The following LRRC37A2 variants were observed in gnomAD, a reference collection of about 807,000 sequenced individuals.
LRRC37A2 encodes leucine rich repeat containing 37 member A2.
In LRRC37A2, 9 loss-of-function variants were observed where a neutral mutation model predicts 68.8. The ratio of observed to expected loss-of-function variants is 0.13; its 90% CI spans 0.08 to 0.23. The LOEUF (loss-of-function observed/expected upper bound fraction) is 0.23. Among genes scored for constraint, LRRC37A2 ranks in the 10% least tolerant of loss-of-function variants. The probability of loss-of-function intolerance (pLI) is 1.00; values close to 1 mark genes in which losing one functional copy is unlikely to be tolerated. For missense variants in LRRC37A2, 168 were observed against 950.4 expected, an observed-to-expected ratio of 0.18 and a Z score of 10.82; for synonymous variants, 63 against 367.6, an observed-to-expected ratio of 0.17 and a Z score of 9.48.
At chr17:46,818,441 AC>A in the LRRC37A2 span, 1 of 1,453,652 alleles carries the variant, frequency 6.9e-7, no homozygotes, top group Non-Finnish European at 9.4e-7. Context: ...GCAGCGGCCC[AC>A]CCCCAGCCGG....
the LRRC37A2 span, among the ~76,000 whole-genome samples, chr17:46,913,065 C>G: frequency 2.0e-5 from 3 of 152,194 alleles, no homozygotes; most frequent in African/African-American, 7.2e-5. Context: ...CACGGCTGTC[C>G]CAGTGCCTAA....
the LRRC37A2 span, among the ~76,000 whole-genome samples, chr17:46,575,372 G>C: frequency 6.6e-6 from 1 of 151,882 alleles, no homozygotes; most frequent in Non-Finnish European, 1.5e-5. Context: ...CAGTTGGTTT[G>C]AGCCAGAGTG....
chr17:46,777,554 C>A, the LRRC37A2 span, among the ~76,000 whole-genome samples: 18 of 152,392 alleles, frequency 1.2e-4, no homozygotes, highest in Non-Finnish European at 2.1e-4. Flanking sequence ...GCTGTGCAGA[C>A]GCAGTCTCTC....
chr17:46,777,065 C>T, the LRRC37A2 span, among the ~76,000 whole-genome samples: 5 of 152,308 alleles, frequency 3.3e-5, no homozygotes, highest in East Asian at 9.7e-4. Context: ...CAGAGGCCGA[C>T]CATGCCAGGT....
chr17:46,938,828 A>G, the LRRC37A2 span: 4 of 1,609,364 alleles, frequency 2.5e-6, no homozygotes, highest in Non-Finnish European at 3.4e-6. Context: ...TGAAAGAGAG[A>G]GGGGGGCCCA....
the LRRC37A2 span, among the ~76,000 whole-genome samples, chr17:46,840,749 C>G: frequency 1.3e-5 from 2 of 152,196 alleles, no homozygotes; most frequent in Admixed American, 6.5e-5. Flanking sequence ...TCTCTGATGA[C>G]CAGTGATGAT....
chr17:46,917,540 A>C, the LRRC37A2 span, among the ~76,000 whole-genome samples: 1 of 152,252 alleles, frequency 6.6e-6, no homozygotes, highest in African/African-American at 2.4e-5. Context: ...GGCTCGGTCC[A>C]TGCAGCAGCT....
chr17:46,676,279 C>G, the LRRC37A2 span, among the ~76,000 whole-genome samples: 88,886 of 136,752 alleles, frequency 0.65, 30,456 homozygotes, highest in South Asian at 0.81. Flanking sequence ...GTTGCCCAGG[C>G]TGGAGTGCAA....
At chr17:46,850,506 G>A in the LRRC37A2 span, among the ~76,000 whole-genome samples, 5 of 152,252 alleles carry the variant, frequency 3.3e-5, no homozygotes, top group Admixed American at 6.5e-5. Context: ...AGCCAAGGTC[G>A]CAGTCACTTG....
chr17:47,018,726 T>C, the LRRC37A2 span: 1 of 1,520,750 alleles, frequency 6.6e-7, no homozygotes. Context: ...GGGTGAATCT[T>C]CCCTAACCCA....
chr17:46,745,532 A>G, the LRRC37A2 span, among the ~76,000 whole-genome samples: 1 of 152,194 alleles, frequency 6.6e-6, no homozygotes, highest in Non-Finnish European at 1.5e-5. Flanking sequence ...AGAACATCTC[A>G]TGAGGAAACT....
At chr17:46,835,775 G>A in the LRRC37A2 span, among the ~76,000 whole-genome samples, 1 of 152,242 alleles carries the variant, frequency 6.6e-6, no homozygotes, top group Non-Finnish European at 1.5e-5. Flanking sequence ...AGATCCAGCT[G>A]GGTTGGAGGG....
the LRRC37A2 span, chr17:46,764,295 G>A: frequency 6.6e-6 from 1 of 152,588 alleles, no homozygotes. Flanking sequence ...CTGTTCTGTT[G>A]GAGTCAAATT....
the LRRC37A2 span, chr17:46,872,807 G>T: frequency 6.8e-7 from 1 of 1,479,390 alleles, no homozygotes; most frequent in South Asian, 1.2e-5. Flanking sequence ...GGGAGGGCTG[G>T]GGGAAGAAGC....
At chr17:46,929,583 C>A in the LRRC37A2 span, 2 of 1,469,534 alleles carry the variant, frequency 1.4e-6, no homozygotes, top group Non-Finnish European at 1.9e-6. Flanking sequence ...AGTCTGTGCA[C>A]AGTGAGTAAT....
At chr17:46,874,934 GAGACCCACCCGGAGCTGTGTCCT>G in the LRRC37A2 span, 3 of 1,054,788 alleles carry the variant, frequency 2.8e-6, no homozygotes, top group Non-Finnish European at 4.4e-6. Flanking sequence ...AGTTGACAGG[GAGACCCACCCGGAGCTGTGTCCT>G]CAAGCCACAT....
At chr17:46,921,467 C>T in the LRRC37A2 span, among the ~76,000 whole-genome samples, 1 of 152,110 alleles carries the variant, frequency 6.6e-6, no homozygotes, top group Non-Finnish European at 1.5e-5. Context: ...ACAACGAAAG[C>T]CAAAATTGAC....
chr17:46,944,791 G>A, the LRRC37A2 span, among the ~76,000 whole-genome samples: 1 of 151,944 alleles, frequency 6.6e-6, no homozygotes, highest in Non-Finnish European at 1.5e-5. Flanking sequence ...GTAGAAACGG[G>A]GTTTCTCCAT....
the LRRC37A2 span, among the ~76,000 whole-genome samples, chr17:46,979,759 T>A: frequency 1.4e-5 from 2 of 146,734 alleles, no homozygotes; most frequent in African/African-American, 2.5e-5. Context: ...CCCATTTAAC[T>A]TTTTTTTTAA....
Sources: allele counts gnomAD v4.1 joint callset (sites outside exome capture counted in the v4.1 genomes callset), GRCh38; gene constraint gnomAD v4.1.1; transcripts MANE v1.5; gene names NCBI Gene and HGNC (gene_info 2026-07-23, HGNC 2026-07-21).